The following CNTN4 variants were observed in gnomAD, a reference collection of about 807,000 sequenced individuals.
CNTN4 encodes the protein contactin-4.
Under a neutral mutation model 122.5 loss-of-function variants are expected in CNTN4, and 77 were observed. The observed-to-expected ratio is 0.63, with a 90% CI of 0.52 to 0.76. The LOEUF is 0.76. CNTN4 is among the 30% of genes least tolerant of loss of function. The pLI is 0.00. For synonymous variants in CNTN4, 512 were observed against 447.0 expected (o/e 1.15, Z -1.83); for missense variants, 1,256 against 1,259.1 (o/e 1.00, Z 0.04).
At chr3:2,106,544 C>T (rs2032459125) in intron 2 of CNTN4, among the ~76,000 whole-genome samples, 1 of 152,190 alleles carries the variant, frequency 6.6e-6, no homozygotes, top group Non-Finnish European at 1.5e-5. Flanking sequence ...ATACCTTGGC[C>T]CCTTTTAGCT....
intron 6 of CNTN4, among the ~76,000 whole-genome samples, chr3:2,797,912 C>T (rs2092237973): frequency 8.4e-6 from 1 of 118,868 alleles, no homozygotes; most frequent in South Asian, 3.5e-4. Flanking sequence ...TTGATGACCA[C>T]ACTGAGTATT....
chr3:2,714,221 A>C (rs1180688746), intron 4 of CNTN4, among the ~76,000 whole-genome samples: 2 of 152,164 alleles, frequency 1.3e-5, no homozygotes, highest in Non-Finnish European at 2.9e-5. Flanking sequence ...TATTATTAAT[A>C]AATATTATTC....
intron 4 of CNTN4, among the ~76,000 whole-genome samples, chr3:2,732,822 C>G (rs988090951): frequency 2.6e-5 from 4 of 152,144 alleles, no homozygotes; most frequent in Non-Finnish European, 5.9e-5. Flanking sequence ...TCTAAAATTT[C>G]TCCCTTCATC....
intron 14 of CNTN4, chr3:2,999,269 G>C (rs1203008517): frequency 6.6e-6 from 1 of 152,096 alleles, no homozygotes; most frequent in African/African-American, 2.4e-5. Context: ...TCTATCTCCT[G>C]CTCCTCAAAA....
At chr3:2,656,859 C>T (rs150475222) in intron 4 of CNTN4, among the ~76,000 whole-genome samples, 96 of 152,252 alleles carry the variant, frequency 6.3e-4, no homozygotes, top group African/African-American at 2.1e-3. Flanking sequence ...GAAGGACTGC[C>T]AGTTTCATCT....
At chr3:2,360,731 C>G (rs761956698) in intron 3 of CNTN4, among the ~76,000 whole-genome samples, 1 of 152,106 alleles carries the variant, frequency 6.6e-6, no homozygotes, top group Non-Finnish European at 1.5e-5. Flanking sequence ...CATTAGATCT[C>G]GTGAGAACTC....
chr3:2,662,309 C>T (rs1466485882), intron 4 of CNTN4, among the ~76,000 whole-genome samples: 1 of 152,150 alleles, frequency 6.6e-6, no homozygotes, highest in African/African-American at 2.4e-5. Context: ...TTAGATCTCA[C>T]TCATATAAGA....
intron 2 of CNTN4, among the ~76,000 whole-genome samples, chr3:2,202,413 G>A (rs2038142249): frequency 6.6e-6 from 1 of 152,074 alleles, no homozygotes; most frequent in African/African-American, 2.4e-5. Context: ...GTAGACTTGG[G>A]CAAGTCATTT....
chr3:2,262,933 A>G (rs2040893772), intron 2 of CNTN4, among the ~76,000 whole-genome samples: 1 of 152,120 alleles, frequency 6.6e-6, no homozygotes, highest in Non-Finnish European at 1.5e-5. Flanking sequence ...CATAAGGACA[A>G]TGTGTTATAG....
intron 3 of CNTN4, among the ~76,000 whole-genome samples, chr3:2,568,875 A>T (rs951017537): frequency 2.0e-5 from 3 of 152,226 alleles, no homozygotes; most frequent in African/African-American, 7.2e-5. Context: ...CTAAATCTTT[A>T]TCAGGTAATT....
At chr3:2,416,621 T>C (rs2047422993) in intron 3 of CNTN4, among the ~76,000 whole-genome samples, 1 of 152,152 alleles carries the variant, frequency 6.6e-6, no homozygotes, top group South Asian at 2.1e-4. Flanking sequence ...GTATGACTTG[T>C]GATGTAACAA....
chr3:2,959,916 G>T (rs1272795954), intron 13 of CNTN4, among the ~76,000 whole-genome samples: 1 of 152,152 alleles, frequency 6.6e-6, no homozygotes, highest in Non-Finnish European at 1.5e-5. Context: ...TTTCAAGTCA[G>T]CATTTCAAAT....
intron 4 of CNTN4, among the ~76,000 whole-genome samples, chr3:2,592,613 CCATGTAAGA>C (rs1035380329): frequency 2.6e-4 from 39 of 152,286 alleles, no homozygotes; most frequent in African/African-American, 9.4e-4. Context: ...CTGCCAACAT[CCATGTAAGA>C]CAGAACTTTG....
chr3:2,365,996 G>A (rs2045360816), intron 3 of CNTN4, among the ~76,000 whole-genome samples: 1 of 152,120 alleles, frequency 6.6e-6, no homozygotes, highest in Admixed American at 6.5e-5. Context: ...ATTTTTCAAA[G>A]CATTTATTTA....
intron 2 of CNTN4, among the ~76,000 whole-genome samples, chr3:2,230,264 A>G (rs1486363983): frequency 3.9e-5 from 6 of 152,222 alleles, no homozygotes; most frequent in Admixed American, 3.9e-4. Flanking sequence ...AAAACTAAAT[A>G]TTAATACCAC....
chr3:2,467,826 A>G (rs1029634058), intron 3 of CNTN4, among the ~76,000 whole-genome samples: 10 of 152,182 alleles, frequency 6.6e-5, no homozygotes, highest in Admixed American at 5.2e-4. Flanking sequence ...TCCTGAGTGC[A>G]GAGACTATTC....
intron 2 of CNTN4, among the ~76,000 whole-genome samples, chr3:2,333,663 A>G (rs1253372837): frequency 1.3e-5 from 2 of 152,348 alleles, no homozygotes; most frequent in Middle Eastern, 3.4e-3. Flanking sequence ...GTGAAATGAT[A>G]AAAGAATCAA....
chr3:2,621,568 GCAAACCAC>G (rs1351413736), intron 4 of CNTN4, among the ~76,000 whole-genome samples: 7 of 151,948 alleles, frequency 4.6e-5, no homozygotes, highest in Admixed American at 3.9e-4. Context: ...GATGGGTGCA[GCAAACCAC>G]CATGGCACGT....
chr3:2,354,072 C>T (rs1049809649), intron 3 of CNTN4, among the ~76,000 whole-genome samples: 6 of 152,214 alleles, frequency 3.9e-5, no homozygotes, highest in African/African-American at 1.4e-4. Context: ...CATCTCATAA[C>T]ATCTCTTCAT....
Sources: allele counts gnomAD v4.1 joint callset (sites outside exome capture counted in the v4.1 genomes callset), GRCh38; gene constraint gnomAD v4.1.1; transcripts MANE v1.5; gene names NCBI Gene and HGNC (gene_info 2026-07-23, HGNC 2026-07-21).